B4GALNT3: variants seen among roughly 807,000 people sequenced by gnomAD.
B4GALNT3 encodes the protein beta-1,4-N-acetyl-galactosaminyltransferase 3, also known as beta-1,4-N-acetylgalactosaminyltransferase 3.
B4GALNT3 carries 86 observed loss-of-function variants against 120.2 expected under a neutral mutation model. The observed-to-expected ratio is 0.72, with a 90% CI of 0.60 to 0.86. The LOEUF is 0.86. B4GALNT3 is among the 40% of genes least tolerant of loss of function. The pLI, the probability that B4GALNT3 is intolerant of heterozygous loss-of-function variation, is 0.00. For missense variants in B4GALNT3, 1,167 were observed against 1,298.9 expected, an observed-to-expected ratio of 0.90 and a Z score of 1.56; for synonymous variants, 518 against 510.4, an observed-to-expected ratio of 1.01 and a Z score of -0.20.
intron 1 of B4GALNT3, among the ~76,000 whole-genome samples, chr12:477,212 A>G (rs1946193835): frequency 6.6e-6 from 1 of 152,142 alleles, no homozygotes; most frequent in Non-Finnish European, 1.5e-5. Context: ...GCCTCCTTTT[A>G]ACATCTGAGT....
At chr12:462,496 TC>T (rs1290969905) in intron 1 of B4GALNT3, among the ~76,000 whole-genome samples, 1 of 151,352 alleles carries the variant, frequency 6.6e-6, no homozygotes, top group African/African-American at 2.4e-5. Flanking sequence ...TCTGTTGGGT[TC>T]CCCTCCCAGA....
At position 561,656 on chromosome 12, in the gene B4GALNT3, G is replaced by C. The variant is rs1213645567; in HGVS notation, c.*205G>C. On this transcript the variant is annotated 3_prime_UTR_variant, in exon 20 of 20. Transcript: ENST00000266383. ...CTCTGCCTCCTGGGCCTTCAGAAGG[G>C]AGGACTTTGAGAGAGAGGCCAGGAG... is the stretch of plus-strand genomic sequence containing the variant. 1.8e-6 allele frequency: 1 copy of C among 562,706 alleles called. No individual in the cohort carries two copies. The highest frequency in any genetic ancestry group is 3.2e-6 in the Non-Finnish European group (1 of 314,468). The allele number at this position is 562,706 out of a possible 1,614,324, so 34.9% of individuals were successfully genotyped here.
At chr12:513,410 G>A (rs1055360563) in intron 1 of B4GALNT3, among the ~76,000 whole-genome samples, 1 of 152,220 alleles carries the variant, frequency 6.6e-6, no homozygotes, top group African/African-American at 2.4e-5. Context: ...GGTTATTCGT[G>A]CCTCTCATTT....
At chr12:558,484 G>A (rs749846562) in intron 17 of B4GALNT3, 24 bp from the exon 18 acceptor site, 1 of 1,611,330 alleles carries the variant, frequency 6.2e-7, no homozygotes, top group South Asian at 1.1e-5. Context: ...AGGGTCTGCT[G>A]ACCCTGCCCA....
rs34257023 is a variant in B4GALNT3, at chr12:562,634, G to T, written c.*1183G>T. ...AGTGGGGGCAGGAGGAACTGAAGAG[G>T]GGGGCAGTTTCAGGGAAAATAGCCC... On this transcript the variant is annotated 3_prime_UTR_variant, in exon 20 of 20. Coordinates refer to ENST00000266383, the MANE Select transcript of B4GALNT3 (RefSeq NM_173593.4). The surrounding 1 kb of genome is among the most constrained non-coding windows in gnomAD (Gnocchi z 5.2). 37,841 of 152,276 alleles carry T rather than the reference G, an allele frequency of 0.25. 5,394 individuals carry two copies. The highest frequency in any genetic ancestry group is 0.33 in the Non-Finnish European group (22,511 of 68,104). The allele number at this position is 152,276 out of a possible 1,614,324, so 9.4% of individuals were successfully genotyped here.
chr12:461,060 G>A (rs1453886915), intron 1 of B4GALNT3, among the ~76,000 whole-genome samples: 2 of 152,082 alleles, frequency 1.3e-5, no homozygotes, highest in Non-Finnish European at 1.5e-5. Context: ...CATCTTCTAG[G>A]GGGGTTCTTT....
chr12:484,912 T>C (rs529487287), intron 1 of B4GALNT3, among the ~76,000 whole-genome samples: 2 of 152,196 alleles, frequency 1.3e-5, no homozygotes, highest in East Asian at 3.9e-4. Flanking sequence ...TGTTCTGAAC[T>C]CAGGTCCATC....
In B4GALNT3 at chr12:544,812, C is replaced by T. The variant is rs561464096; in HGVS notation, c.448-70C>T. 142 of 1,512,350 alleles carry T rather than the reference C, an allele frequency of 9.4e-5. 1 individual carries two copies. In the African/African-American group the frequency reaches 1.5e-3, roughly 16 times the overall value. 93.7% of individuals were successfully genotyped at this position (1,512,350 alleles called of 1,614,324 possible). On this transcript the variant is annotated intron_variant, in intron 4 of 19. Coordinates refer to ENST00000266383, the MANE Select transcript of B4GALNT3 (RefSeq NM_173593.4). ...TGTCATAGTCCCCTCCTGGTCTTCC[C>T]GCCAATCCTGGCGGGAAGTTTCCTT...
chr12:534,452 C>T (rs1045073434), intron 1 of B4GALNT3, among the ~76,000 whole-genome samples: 4 of 152,250 alleles, frequency 2.6e-5, no homozygotes, highest in African/African-American at 7.2e-5. Context: ...TGTGAATGCG[C>T]GTGCACCCCC....
chr12:508,743 A>G (rs1946520164), intron 1 of B4GALNT3, among the ~76,000 whole-genome samples: 1 of 152,162 alleles, frequency 6.6e-6, no homozygotes, highest in Non-Finnish European at 1.5e-5. Flanking sequence ...CCAAGCAGAG[A>G]TTACAAACAT....
rs1025502894 is a variant in B4GALNT3, at chr12:563,376, C to T, written c.*1925C>T. ...GGCCAGTGCCTTGCGTTTGATGTTA[C>T]CTCCACACCATCTGCCTTAAGAGGA... On this transcript the variant is annotated 3_prime_UTR_variant, in exon 20 of 20. Transcript: ENST00000266383. 4 of 152,530 alleles carry T rather than the reference C, an allele frequency of 2.6e-5. No individual in the cohort carries two copies. The highest frequency in any genetic ancestry group is 9.6e-5 in the African/African-American group (4 of 41,466). The allele number at this position is 152,530 out of a possible 1,614,324, so 9.4% of individuals were successfully genotyped here. A position where few individuals can be genotyped will look rare whatever the true frequency, so the allele number is the denominator to read the frequency against.
chr12:514,198 G>GTT (rs56697824), intron 1 of B4GALNT3, among the ~76,000 whole-genome samples: 104 of 117,832 alleles, frequency 8.8e-4, no homozygotes, highest in East Asian at 3.8e-3. Context: ...GTCCGTTTTT[G>GTT]TTTTTTTTTT....
At chr12:467,898 T>C (rs74673954) in intron 1 of B4GALNT3, among the ~76,000 whole-genome samples, 10,900 of 152,280 alleles carry the variant, frequency 0.072, 682 homozygotes, top group African/African-American at 0.17. Flanking sequence ...TTTCTATTGG[T>C]CACGTAAGTT....
At chr12:549,958 C>T (rs769541734) in intron 10 of B4GALNT3, 46 bp downstream of exon 10, 10 of 1,551,936 alleles carry the variant, frequency 6.4e-6, no homozygotes, top group East Asian at 2.4e-5. Context: ...GGACACTGCA[C>T]TGCCAGGTCC....
intron 4 of B4GALNT3, 92 bp from the exon 5 acceptor site, chr12:544,790 C>A: frequency 7.8e-7 from 1 of 1,280,158 alleles, no homozygotes; most frequent in Non-Finnish European, 1.1e-6. Context: ...TCCCTCCTGT[C>A]ATAGTCCCCT....
In B4GALNT3 at chr12:553,691, G is replaced by T. The variant is rs771641178; in HGVS notation, c.1768G>T (p.Glu590Ter). ...PQAPGRGWHG[E>*]EEVVAAAGQE... ...GGCCCCTGGAAGGGGCTGGCATGGG[G>T]AGGAGGAAGTGGTGGCGGCCGCAGG... Residue 590 changes from glutamate to a stop codon, truncating the protein, a stop_gained, in exon 14 of 20, where the codon GAG becomes TAG. Transcript: ENST00000266383. LOFTEE classifies it high-confidence loss of function. The T allele has an allele frequency of 1.2e-5, 20 of 1,613,734 alleles. No homozygotes were observed. Among genetic ancestry groups the T allele is most frequent in the Non-Finnish European group, 1.6e-5 (19 of 1,179,746 alleles).
rs1293155288 is a variant in B4GALNT3 at position 460,335 on chromosome 12, G to C, written c.-42G>C. The C allele has an allele frequency of 2.9e-6, 3 of 1,026,876 alleles. No homozygotes were observed. Among genetic ancestry groups the C allele is most frequent in the South Asian group, 8.9e-5 (2 of 22,454 alleles). The allele number at this position is 1,026,876 out of a possible 1,614,324, so 63.6% of individuals were successfully genotyped here. A position where few individuals can be genotyped will look rare whatever the true frequency, so the allele number is the denominator to read the frequency against. On this transcript the variant is annotated 5_prime_UTR_variant, in exon 1 of 20. Transcript: ENST00000266383. This position sits in a 1 kb window ranked among gnomAD's most constrained non-coding sequence, Gnocchi z 8.0. The stretch of plus-strand genomic sequence containing the variant: ...CCGGCCGGGGGGCGGCGGCTCGGGG[G>C]GTTGGAGCCCGCGCTGGCGGCGGCC...
At chr12:549,941 T>C (rs539198253) in intron 10 of B4GALNT3, 29 bp downstream of exon 10, 3 of 1,581,726 alleles carry the variant, frequency 1.9e-6, no homozygotes, top group East Asian at 4.7e-5. Flanking sequence ...CTTGGCGTCC[T>C]TTCTGGGGAC....
At chr12:487,315 A>T (rs1307147580) in intron 1 of B4GALNT3, among the ~76,000 whole-genome samples, 2 of 152,236 alleles carry the variant, frequency 1.3e-5, no homozygotes, top group Non-Finnish European at 2.9e-5. Flanking sequence ...ACCAAACCAC[A>T]GATCCAAGAA....
Sources: allele counts gnomAD v4.1 joint callset (sites outside exome capture counted in the v4.1 genomes callset), GRCh38; gene constraint gnomAD v4.1.1; non-coding constraint Gnocchi (gnomAD v3.1); transcripts MANE v1.5; gene names NCBI Gene and HGNC (gene_info 2026-07-23, HGNC 2026-07-21).